Variants in MICU2 observed in about 807,000 individuals in gnomAD.
MICU2 encodes mitochondrial calcium uptake 2.
MICU2 carries 64 observed loss-of-function variants against 60.4 expected under a neutral mutation model. That is an observed-to-expected ratio of 1.06 (90% CI 0.87 to 1.31). The LOEUF (loss-of-function observed/expected upper bound fraction) is 1.31, where lower values mean the gene tolerates loss of function less well. Among genes scored for constraint, MICU2 ranks in the 50% most tolerant of loss-of-function variants. The pLI, the probability that MICU2 is intolerant of heterozygous loss-of-function variation, is 0.00. For missense variants in MICU2, 569 were observed against 531.0 expected, an observed-to-expected ratio of 1.07 and a Z score of -0.70; for synonymous variants, 201 against 175.0, an observed-to-expected ratio of 1.15 and a Z score of -1.17.
intron 6 of MICU2, among the ~76,000 whole-genome samples, chr13:21,517,137 TACTA>T (rs1886589999): frequency 6.6e-6 from 1 of 152,318 alleles, no homozygotes; most frequent in East Asian, 1.9e-4. Flanking sequence ...GCAATACACT[TACTA>T]ACACAGTTTT....
intron 4 of MICU2, among the ~76,000 whole-genome samples, chr13:21,531,770 T>C (rs966653502): frequency 7.9e-5 from 12 of 152,208 alleles, no homozygotes; most frequent in African/African-American, 2.7e-4. Flanking sequence ...GTTATCTTGC[T>C]ATCACTGTAG....
chr13:21,568,360 G>A (rs550170565), intron 1 of MICU2, among the ~76,000 whole-genome samples: 5 of 151,856 alleles, frequency 3.3e-5, no homozygotes, highest in South Asian at 2.1e-4. Flanking sequence ...AATATTGCAC[G>A]TGTACAGAAT....
intron 2 of MICU2, among the ~76,000 whole-genome samples, chr13:21,552,180 G>A (rs1340168147): frequency 6.6e-6 from 1 of 152,176 alleles, no homozygotes; most frequent in African/African-American, 2.4e-5. Flanking sequence ...TTCTCTGATG[G>A]CCAGTTTTGA....
At chr13:21,561,925 T>A (rs1383872030) in intron 2 of MICU2, among the ~76,000 whole-genome samples, 1 of 137,586 alleles carries the variant, frequency 7.3e-6, no homozygotes, top group East Asian at 2.3e-4. Flanking sequence ...CGTGTTCTCA[T>A]TGTTCAATTC....
At chr13:21,595,957 C>T (rs1888683004) in intron 1 of MICU2, among the ~76,000 whole-genome samples, 2 of 152,246 alleles carry the variant, frequency 1.3e-5, no homozygotes, top group South Asian at 4.1e-4. Flanking sequence ...TACTTTTTTA[C>T]ATTAAATTTC....
intron 9 of MICU2, among the ~76,000 whole-genome samples, chr13:21,502,415 TAC>T (rs1207219958): frequency 1.3e-5 from 2 of 152,180 alleles, no homozygotes; most frequent in African/African-American, 4.8e-5. Flanking sequence ...CGTATATATA[TAC>T]ACACACATAT....
intron 2 of MICU2, among the ~76,000 whole-genome samples, chr13:21,565,404 T>C (rs2138038033): frequency 6.6e-6 from 1 of 152,222 alleles, no homozygotes; most frequent in South Asian, 2.1e-4. Flanking sequence ...ATGCTTGCAA[T>C]CCCAGCACTT....
At chr13:21,555,611 A>G (rs1887688132) in intron 2 of MICU2, among the ~76,000 whole-genome samples, 1 of 152,124 alleles carries the variant, frequency 6.6e-6, no homozygotes, top group South Asian at 2.1e-4. Context: ...AAATAAATAG[A>G]CTTATTTTAA....
In MICU2 at chr13:21,519,476, C is replaced by A. The variant is rs535563088; in HGVS notation, c.597+1769G>T. On this transcript the variant is annotated intron_variant, in intron 6 of 11. Coordinates refer to ENST00000382374, the MANE Select transcript of MICU2 (RefSeq NM_152726.3). ...TCTCTGGGCTCTTTGGTACTCTGCT[C>A]ACTGTTCTGCTCCTTCTCAGGTTCA... Among the ~76,000 whole-genome samples the A allele has an allele frequency of 3.3e-5, 5 of 152,340 alleles. No individual in the cohort carries two copies. In the East Asian group the frequency reaches 9.6e-4, roughly 29 times the overall value.
intron 8 of MICU2, among the ~76,000 whole-genome samples, chr13:21,506,596 C>T (rs1448808742): frequency 3.9e-5 from 6 of 152,222 alleles, no homozygotes; most frequent in Non-Finnish European, 8.8e-5. Context: ...TTTGCCCCTG[C>T]TTCCTACAGA....
In MICU2 at chr13:21,580,583, T is replaced by TACTCTCAAATATTTAAGAGTA. The variant is rs1566167979; in HGVS notation, c.211-13640_211-13639insTACTCTTAAATATTTGAGAGT. 8.7e-5 allele frequency among the ~76,000 whole-genome samples: 13 copies of TACTCTCAAATATTTAAGAGTA among 149,336 alleles called. No individual in the cohort carries two copies. The South Asian group carries it at 2.9e-3, about 33-fold the overall frequency. On this transcript the variant is annotated intron_variant, in intron 1 of 11. Transcript: ENST00000382374. ...CTCCAAACTTGAATTGCTTGTGAAG[T>TACTCTCAAATATTTAAGAGTA]ACTCTTAAATATTTAAGAGTAACTC...
At chr13:21,538,346 G>A (rs537344068) in intron 4 of MICU2, among the ~76,000 whole-genome samples, 1 of 152,006 alleles carries the variant, frequency 6.6e-6, no homozygotes, top group East Asian at 1.9e-4. Context: ...AAGTCAGGAG[G>A]ACTGCTTGAG....
chr13:21,553,633 C>G (rs1236796409), intron 2 of MICU2, among the ~76,000 whole-genome samples: 3 of 152,088 alleles, frequency 2.0e-5, no homozygotes, highest in African/African-American at 4.8e-5. Flanking sequence ...AACTAACGAG[C>G]AAAATAACCA....
At chr13:21,512,384 C>CA (rs1886452260) in intron 7 of MICU2, among the ~76,000 whole-genome samples, 2 of 151,974 alleles carry the variant, frequency 1.3e-5, no homozygotes, top group African/African-American at 4.8e-5. Flanking sequence ...GTATCTTCTT[C>CA]CATTATGTTG....
rs543526206 is a variant in MICU2, at chr13:21,589,754, T to C, written c.210+14185A>G. On this transcript the variant is annotated intron_variant, in intron 1 of 11. Transcript: ENST00000382374. Reference sequence around the variant, plus strand: ...ATGATTCTGATCACCTGTTCTGTCATAACCATTTTTCCCACCAAACCACTC... The same window carrying C: ...ATGATTCTGATCACCTGTTCTGTCACAACCATTTTTCCCACCAAACCACTC... Among the ~76,000 whole-genome samples the C allele has an allele frequency of 7.3e-5, 11 of 150,906 alleles. No homozygotes were observed. The South Asian group carries it at 2.3e-3, about 32-fold the overall frequency.
intron 4 of MICU2, among the ~76,000 whole-genome samples, chr13:21,525,948 A>G (rs865823326): frequency 8.3e-6 from 1 of 120,616 alleles, no homozygotes; most frequent in African/African-American, 2.7e-5. Flanking sequence ...TTATTTATTT[A>G]TTTTTTAACA....
Position 21,496,100 on chromosome 13 carries a change from C to A in MICU2, c.994G>T (p.Ala332Ser). Residue 332 changes from alanine (A) to serine (S), a missense_variant, in exon 10 of 12, where the codon GCT becomes TCT. Ala to Ser is a moderately conservative substitution (Grantham distance 99). Transcript: ENST00000382374. Reference sequence around the variant, plus strand: ...AAACTGAACATCTGCATGGCAATAGCAAAGTCTTCCAAGTGGGTTGTAAAA... The same window carrying A: ...AAACTGAACATCTGCATGGCAATAGAAAAGTCTTCCAAGTGGGTTGTAAAA... ...CHFTTHLEDF[A>S]IAMQMFSLAH... is the part of the protein sequence containing the mutation. 3 of 1,614,096 alleles carry A rather than the reference C, an allele frequency of 1.9e-6. No homozygotes were observed. Among genetic ancestry groups the A allele is most frequent in the South Asian group, 1.1e-5 (1 of 91,068 alleles).
chr13:21,521,925 GCACCAC>G lies in MICU2; in HGVS notation c.515-604_515-599del, dbSNP rs568479182. 2.8e-3 allele frequency among the ~76,000 whole-genome samples: 419 copies of G among 152,238 alleles called. 3 individuals are homozygous for G. Among genetic ancestry groups the G allele is most frequent in the African/African-American group, 9.6e-3 (400 of 41,536 alleles). ...GACAAGTAGTTGCGACTACAGGTGT[GCACCAC>G]CACACCTCGCAAATTTTTAATTTTT... On this transcript the variant is annotated intron_variant, in intron 5 of 11. Transcript: ENST00000382374.
chr13:21,521,379 T>A (rs767278421), intron 5 of MICU2, 52 bp from the exon 6 acceptor site: 1 of 1,464,930 alleles, frequency 6.8e-7, no homozygotes. Flanking sequence ...ACCAAGTTAT[T>A]TGTAGATAGA....
Sources: allele counts gnomAD v4.1 joint callset (sites outside exome capture counted in the v4.1 genomes callset), GRCh38; gene constraint gnomAD v4.1.1; transcripts MANE v1.5; gene names NCBI Gene and HGNC (gene_info 2026-07-23, HGNC 2026-07-21).